SPATS2L: variants seen among roughly 807,000 people sequenced by gnomAD.
The protein encoded by SPATS2L is spermatogenesis associated serine rich 2 like, also known as SPATS2-like protein.
A neutral mutation model predicts 59.6 loss-of-function variants in SPATS2L; 30 were observed. The ratio of observed to expected loss-of-function variants is 0.50; its 90% CI spans 0.38 to 0.68. The LOEUF is 0.68. Ranked by LOEUF, SPATS2L falls within the 30% of genes least tolerant of loss-of-function variation. The probability of loss-of-function intolerance (pLI) is 0.00; values close to 1 mark genes in which losing one functional copy is unlikely to be tolerated. For synonymous variants in SPATS2L, 252 were observed against 263.5 expected, an observed-to-expected ratio of 0.96 and a Z score of 0.42; for missense variants, 615 against 700.0, an observed-to-expected ratio of 0.88 and a Z score of 1.37.
At chr2:200,390,408 A>G (rs1235099802) in intron 3 of SPATS2L, 1 of 152,386 alleles carries the variant, frequency 6.6e-6, no homozygotes, top group African/African-American at 2.4e-5. Context: ...GGTGATAACA[A>G]CTGTGGAGAA....
intron 2 of SPATS2L, among the ~76,000 whole-genome samples, chr2:200,367,526 A>G (rs773258640): frequency 2.6e-5 from 4 of 152,260 alleles, no homozygotes; most frequent in Non-Finnish European, 5.9e-5. Context: ...ATGAAAATCT[A>G]TACTTTTCAA....
At chr2:200,372,448 G>GA in intron 2 of SPATS2L, among the ~76,000 whole-genome samples, 2 of 152,066 alleles carry the variant, frequency 1.3e-5, no homozygotes, top group Admixed American at 6.6e-5. Context: ...ATGTGGCCCA[G>GA]GAAAGGGTAT....
chr2:200,316,643 G>A (rs2079389090), intron 1 of SPATS2L, among the ~76,000 whole-genome samples: 2 of 152,146 alleles, frequency 1.3e-5, no homozygotes, highest in African/African-American at 4.8e-5. Flanking sequence ...TTTGTACTGG[G>A]TTCCACCTTG....
At chr2:200,443,631 A>G (rs941998571) in intron 8 of SPATS2L, among the ~76,000 whole-genome samples, 1 of 152,194 alleles carries the variant, frequency 6.6e-6, no homozygotes, top group African/African-American at 2.4e-5. Flanking sequence ...GTACTCAACA[A>G]GCATTTCGTG....
intron 8 of SPATS2L, among the ~76,000 whole-genome samples, chr2:200,449,422 C>T (rs1180878918): frequency 6.6e-6 from 1 of 152,200 alleles, no homozygotes; most frequent in East Asian, 1.9e-4. Context: ...CAGTCAGCTC[C>T]GCTGGCACTG....
chr2:200,478,679 A>AAT lies in SPATS2L; in HGVS notation c.*657_*658dup, dbSNP rs77252503. 5.9e-5 allele frequency: 9 copies of AAT among 152,584 alleles called. No individual in the cohort carries two copies. The South Asian group carries it at 1.9e-3, about 32-fold the overall frequency. The allele number at this position is 152,584 out of a possible 1,614,324, so 9.5% of individuals were successfully genotyped here. A position where few individuals can be genotyped will look rare whatever the true frequency, so the allele number is the denominator to read the frequency against. ...GTTGAGACAAGTACTCTTTCAGGAAAATATATATATGCCCTTTCAATTAGA... is the reference window on the plus strand; with the variant it reads ...GTTGAGACAAGTACTCTTTCAGGAAAATATATATATATGCCCTTTCAATTAGA... On this transcript the variant is annotated 3_prime_UTR_variant, in exon 13 of 13. Coordinates refer to ENST00000409140, the MANE Select transcript of SPATS2L (RefSeq NM_001100423.2).
intron 3 of SPATS2L, among the ~76,000 whole-genome samples, chr2:200,403,295 T>G (rs2082590592): frequency 6.6e-6 from 1 of 151,982 alleles, no homozygotes; most frequent in Non-Finnish European, 1.5e-5. Context: ...CAGGTGAGCT[T>G]GATCAGATAG....
chr2:200,338,277 G>A (rs575096167), intron 2 of SPATS2L, among the ~76,000 whole-genome samples: 9 of 152,142 alleles, frequency 5.9e-5, no homozygotes, highest in East Asian at 1.9e-4. Flanking sequence ...CACCCACCTC[G>A]GCCTCCCAAA....
chr2:200,389,433 A>G (rs1188789352), intron 3 of SPATS2L, 150 bp downstream of exon 3: 3 of 559,302 alleles, frequency 5.4e-6, no homozygotes, highest in Non-Finnish European at 9.6e-6. Context: ...TTCAGCAGAA[A>G]GAATCATAAG....
At chr2:200,328,170 A>C (rs1326608097) in intron 1 of SPATS2L, among the ~76,000 whole-genome samples, 2 of 152,064 alleles carry the variant, frequency 1.3e-5, no homozygotes, top group Non-Finnish European at 2.9e-5. Context: ...ACTGGTACAG[A>C]TTGGGACAGA....
intron 3 of SPATS2L, chr2:200,390,742 C>A (rs192819502): frequency 1.3e-5 from 2 of 151,906 alleles, no homozygotes; most frequent in East Asian, 3.9e-4. Flanking sequence ...TCCAAGGGAT[C>A]GCGGTTAGAA....
intron 2 of SPATS2L, among the ~76,000 whole-genome samples, chr2:200,381,932 A>G (rs1306577658): frequency 6.6e-6 from 1 of 152,174 alleles, no homozygotes; most frequent in Non-Finnish European, 1.5e-5. Flanking sequence ...AGACCCCAGA[A>G]TGTCACAGAG....
chr2:200,415,879 T>A (rs1262643297), intron 4 of SPATS2L, among the ~76,000 whole-genome samples: 1 of 152,020 alleles, frequency 6.6e-6, no homozygotes, highest in African/African-American at 2.4e-5. Flanking sequence ...GAAACTAATA[T>A]CATTGTAATA....
At position 200,437,827 on chromosome 2, in the gene SPATS2L, A is replaced by G. The variant is rs116016457; in HGVS notation, c.446-1295A>G. On this transcript the variant is annotated intron_variant, in intron 6 of 12. Coordinates refer to ENST00000409140, the MANE Select transcript of SPATS2L (RefSeq NM_001100423.2). ...AATCAAATTGACTAGGACCTAGATC[A>G]TATTCCTTTGTATTTTTTCAAGTGT... is the stretch of plus-strand genomic sequence containing the variant. Among the ~76,000 whole-genome samples, 1,184 of 152,318 alleles carry G rather than the reference A, an allele frequency of 7.8e-3. 18 individuals are homozygous for G. Among genetic ancestry groups the G allele is most frequent in the African/African-American group, 0.027 (1,106 of 41,572 alleles).
chr2:200,341,295 T>C lies in SPATS2L; in HGVS notation c.-23+11815T>C, dbSNP rs1050249096. ...CTAGGCAGTGTGACTTCAGCACCTA[T>C]GTTCTTAACCACTGAACTAAACTCA... On this transcript the variant is annotated intron_variant, in intron 2 of 12. Coordinates refer to ENST00000409140, the MANE Select transcript of SPATS2L (RefSeq NM_001100423.2). 4.6e-5 allele frequency among the ~76,000 whole-genome samples: 7 copies of C among 152,356 alleles called. No individual in the cohort carries two copies. In the East Asian group the frequency reaches 1.3e-3, roughly 29 times the overall value.
At position 200,459,759 on chromosome 2, in the gene SPATS2L, T is replaced by C. The variant is rs983347380; in HGVS notation, c.789-10T>C. ...TCTTTGCTTTTGTTTTTGTTTTTGT[T>C]TTTCCCCAGCATCATTGACAAAGAA... On this transcript the variant is annotated splice_polypyrimidine_tract_variant and intron_variant, in intron 8 of 12. Transcript: ENST00000409140. 1.2e-6 allele frequency: 2 copies of C among 1,609,262 alleles called. No individual in the cohort carries two copies. The highest frequency in any genetic ancestry group is 4.5e-5 in the East Asian group (2 of 44,840).
intron 1 of SPATS2L, among the ~76,000 whole-genome samples, chr2:200,321,568 A>G (rs1409197959): frequency 6.6e-6 from 1 of 152,230 alleles, no homozygotes; most frequent in Admixed American, 6.5e-5. Flanking sequence ...AATATTTAGA[A>G]TGACTGCATA....
intron 2 of SPATS2L, among the ~76,000 whole-genome samples, chr2:200,364,304 C>T (rs979324423): frequency 2.6e-5 from 4 of 152,122 alleles, no homozygotes; most frequent in Admixed American, 2.0e-4. Context: ...GTTTCCTCTC[C>T]TGTTCGGTAA....
At chr2:200,452,928 G>A (rs949991194) in intron 8 of SPATS2L, among the ~76,000 whole-genome samples, 1 of 151,886 alleles carries the variant, frequency 6.6e-6, no homozygotes, top group Non-Finnish European at 1.5e-5. Context: ...TTTCAGTTTT[G>A]AAAAGAATTC....
Sources: gnomAD v4.1 joint callset for allele counts (sites outside exome capture counted in the v4.1 genomes callset) on GRCh38, gnomAD v4.1.1 for gene constraint, MANE v1.5 for transcripts, NCBI Gene and HGNC (gene_info 2026-07-23, HGNC 2026-07-21) for gene names.